Variants in DENND1A observed in about 807,000 individuals in gnomAD.
DENND1A encodes DENN domain-containing protein 1A.
DENND1A carries 51 observed loss-of-function variants against 113.7 expected under a neutral mutation model. That is an observed-to-expected ratio of 0.45 (90% confidence interval 0.36 to 0.57). The LOEUF (loss-of-function observed/expected upper bound fraction) is 0.57, where lower values mean the gene tolerates loss of function less well. DENND1A is among the 20% of genes least tolerant of loss of function. The pLI, the probability that DENND1A is intolerant of heterozygous loss-of-function variation, is 0.00. For missense variants in DENND1A, 1,258 were observed against 1,395.9 expected, an observed-to-expected ratio of 0.90 and a Z score of 1.57; for synonymous variants, 565 against 570.8, an observed-to-expected ratio of 0.99 and a Z score of 0.14.
chr9:123,801,955 A>T (rs1167891760), intron 2 of DENND1A, among the ~76,000 whole-genome samples: 1 of 152,248 alleles, frequency 6.6e-6, no homozygotes, highest in Non-Finnish European at 1.5e-5. Flanking sequence ...GTATATTCTT[A>T]CATGAATTAA....
intron 6 of DENND1A, 105 bp from the exon 7 acceptor site, chr9:123,671,476 T>A: frequency 9.6e-7 from 1 of 1,038,216 alleles, no homozygotes; most frequent in Non-Finnish European, 1.4e-6. Flanking sequence ...GGGGAGATGC[T>A]GGCCCCAGTA....
chr9:123,462,069 A>G, intron 13 of DENND1A: 1 of 152,368 alleles, frequency 6.6e-6, no homozygotes, highest in Non-Finnish European at 1.5e-5. Flanking sequence ...CTGTCTGTTC[A>G]GGGCCCAACT....
rs1048618005 is a variant in DENND1A, at chr9:123,411,699, T to C, written c.1542+77A>G. On this transcript the variant is annotated intron_variant, in intron 20 of 23. Coordinates refer to ENST00000394215, the MANE Select transcript of DENND1A (RefSeq NM_001352964.2). ...TTTTGCCAGGCAGGAGGGTCCAAACTCTGGAGGTTTAGTCAGGCTGAGGGA... is the reference window on the plus strand; with the variant it reads ...TTTTGCCAGGCAGGAGGGTCCAAACCCTGGAGGTTTAGTCAGGCTGAGGGA... The C allele has an allele frequency of 1.6e-5, 15 of 960,952 alleles. No homozygotes were observed. In the African/African-American group the frequency reaches 2.5e-4, roughly 16 times the overall value. The allele number at this position is 960,952 out of a possible 1,614,324, so 59.5% of individuals were successfully genotyped here.
intron 1 of DENND1A, among the ~76,000 whole-genome samples, chr9:123,888,160 A>G (rs1318087869): frequency 6.6e-6 from 1 of 152,152 alleles, no homozygotes; most frequent in Non-Finnish European, 1.5e-5. Flanking sequence ...GGAACGTGCT[A>G]GATGAACTTG....
At chr9:123,805,219 T>C (rs922673038) in intron 2 of DENND1A, among the ~76,000 whole-genome samples, 1 of 152,146 alleles carries the variant, frequency 6.6e-6, no homozygotes, top group African/African-American at 2.4e-5. Context: ...TCCATTTTCC[T>C]GGGTTATGTT....
intron 1 of DENND1A, among the ~76,000 whole-genome samples, chr9:123,905,920 C>T (rs950507570): frequency 5.4e-4 from 81 of 151,030 alleles, no homozygotes; most frequent in African/African-American, 1.9e-3. Flanking sequence ...TTCAGCACCA[C>T]ACCACACCTA....
intron 11 of DENND1A, among the ~76,000 whole-genome samples, chr9:123,604,113 G>A (rs2060046267): frequency 6.6e-6 from 1 of 152,136 alleles, no homozygotes; most frequent in South Asian, 2.1e-4. Flanking sequence ...CAGCCTCCAA[G>A]GCCCTGGATG....
intron 13 of DENND1A, among the ~76,000 whole-genome samples, chr9:123,546,344 C>G (rs557167340): frequency 6.6e-6 from 1 of 151,872 alleles, no homozygotes; most frequent in Non-Finnish European, 1.5e-5. Flanking sequence ...GTCAGGAGAT[C>G]AAGACCATCC....
intron 10 of DENND1A, among the ~76,000 whole-genome samples, chr9:123,627,060 C>G (rs1242905032): frequency 6.6e-6 from 1 of 152,174 alleles, no homozygotes; most frequent in Non-Finnish European, 1.5e-5. Context: ...GACAATGCAT[C>G]CCCATCCCTG....
At chr9:123,467,153 T>C (rs966382247) in intron 13 of DENND1A, among the ~76,000 whole-genome samples, 1 of 152,238 alleles carries the variant, frequency 6.6e-6, no homozygotes, top group African/African-American at 2.4e-5. Flanking sequence ...TAATGGAAAG[T>C]GTGGCCTCTT....
chr9:123,503,733 T>C (rs760363415), intron 13 of DENND1A, among the ~76,000 whole-genome samples: 1 of 152,162 alleles, frequency 6.6e-6, no homozygotes, highest in Non-Finnish European at 1.5e-5. Context: ...GCATAGTCTT[T>C]CTAAAATGCT....
chr9:123,743,943 C>T (rs1158474387), intron 5 of DENND1A, among the ~76,000 whole-genome samples: 1 of 151,894 alleles, frequency 6.6e-6, no homozygotes, highest in Non-Finnish European at 1.5e-5. Context: ...GTCCGTTTCA[C>T]AAACTTAGTG....
chr9:123,823,550 A>T lies in DENND1A; in HGVS notation c.89-30920T>A, dbSNP rs114744502. 9.9e-3 allele frequency among the ~76,000 whole-genome samples: 1,512 copies of T among 152,318 alleles called. 18 individuals are homozygous for T. Among genetic ancestry groups the T allele is most frequent in the African/African-American group, 0.035 (1,434 of 41,556 alleles). On this transcript the variant is annotated intron_variant, in intron 2 of 23. Transcript: ENST00000394215. ...GGACTGAGGACTTCATTCGGGTATA[A>T]AAGGAAGCCCCTGAGAAGCTTTAAG...
intron 7 of DENND1A, among the ~76,000 whole-genome samples, chr9:123,670,960 G>T (rs2063734828): frequency 6.6e-6 from 1 of 152,188 alleles, no homozygotes; most frequent in Non-Finnish European, 1.5e-5. Context: ...GGACGAGGGT[G>T]ATACAGGCAG....
chr9:123,899,822 T>G (rs1175947853), intron 1 of DENND1A, among the ~76,000 whole-genome samples: 3 of 152,206 alleles, frequency 2.0e-5, no homozygotes, highest in Non-Finnish European at 4.4e-5. Context: ...GAGAAAATAT[T>G]AAAAAGTAGG....
At chr9:123,582,304 C>T (rs1189084506) in intron 12 of DENND1A, among the ~76,000 whole-genome samples, 1 of 152,168 alleles carries the variant, frequency 6.6e-6, no homozygotes. Context: ...CAGACTCCCA[C>T]AGGAAGAGGA....
intron 13 of DENND1A, among the ~76,000 whole-genome samples, chr9:123,552,504 G>A (rs898042964): frequency 2.6e-5 from 4 of 152,234 alleles, no homozygotes; most frequent in Admixed American, 2.0e-4. Flanking sequence ...CACTGTGACT[G>A]CAGTAACCTG....
chr9:123,927,217 C>A (rs1027964522), intron 1 of DENND1A, among the ~76,000 whole-genome samples: 4 of 152,206 alleles, frequency 2.6e-5, no homozygotes, highest in African/African-American at 9.6e-5. Flanking sequence ...AATCTCAACA[C>A]CTGTGCCTAG....
intron 5 of DENND1A, among the ~76,000 whole-genome samples, chr9:123,743,263 T>C (rs1231214984): frequency 1.3e-5 from 2 of 151,934 alleles, no homozygotes; most frequent in Non-Finnish European, 2.9e-5. Context: ...TAGCTGGATA[T>C]GGTGTCGTGC....
Sources: allele counts gnomAD v4.1 joint callset (sites outside exome capture counted in the v4.1 genomes callset), GRCh38; gene constraint gnomAD v4.1.1; transcripts MANE v1.5; gene names NCBI Gene and HGNC (gene_info 2026-07-23, HGNC 2026-07-21).